IQSEC2: variants seen among roughly 807,000 people sequenced by gnomAD.
IQSEC2 encodes IQ motif and SEC7 domain-containing protein 2.
Under a neutral mutation model 74.6 loss-of-function variants are expected in IQSEC2, and 6 were observed. The observed-to-expected ratio is 0.08, with a 90% confidence interval of 0.04 to 0.16. The LOEUF is 0.16. IQSEC2 is among the 10% of genes least tolerant of loss of function. The probability of loss-of-function intolerance (pLI) is 1.00; values close to 1 mark genes in which losing one functional copy is unlikely to be tolerated. For missense variants in IQSEC2, 734 were observed against 1,306.2 expected, an observed-to-expected ratio of 0.56 and a Z score of 6.75; for synonymous variants, 494 against 544.5, an observed-to-expected ratio of 0.91 and a Z score of 1.29.
intron 10 of IQSEC2, among the ~76,000 whole-genome samples, chrX:53,239,867 C>T (rs950486910): frequency 8.9e-6 from 1 of 112,214 alleles, no homozygotes; most frequent in African/African-American, 3.2e-5. Flanking sequence ...ACACCTCAGG[C>T]GGTCTGCAAG....
chrX:53,234,312 ATGGGGGGAGG>A lies in IQSEC2; in HGVS notation c.4364_4373del (p.Thr1455MetfsTer37). The A allele has an allele frequency of 7.3e-6, 3 of 409,873 alleles. No homozygotes were observed. The highest frequency in any genetic ancestry group is 1.0e-5 in the Non-Finnish European group (3 of 297,378). The allele number at this position is 409,873 out of a possible 1,213,427, so 33.8% of individuals were successfully genotyped here. On this transcript the variant is annotated frameshift_variant, in exon 15 of 15. Coordinates refer to ENST00000642864, the MANE Select transcript of IQSEC2 (RefSeq NM_001111125.3). LOFTEE classifies it high-confidence loss of function. ...GGGGCCCAGAGGCGTGCAGCGGGCC[ATGGGGGGAGG>A]TGGGTGGAAGGGGTGAGTGCGGGGT...
chrX:53,276,836 G>T (rs1169157076), intron 2 of IQSEC2, among the ~76,000 whole-genome samples: 1 of 112,377 alleles, frequency 8.9e-6, no homozygotes, highest in Non-Finnish European at 1.9e-5. Context: ...ATGATTATAT[G>T]ATATTTTCTC....
intron 2 of IQSEC2, among the ~76,000 whole-genome samples, chrX:53,264,321 C>A (rs917546769): frequency 1.8e-5 from 2 of 110,777 alleles, no homozygotes; most frequent in African/African-American, 6.6e-5. Context: ...ATTTCTCTCA[C>A]GGCTGATCAA....
In IQSEC2 at chrX:53,280,740, G is replaced by A. The variant is rs940710087; in HGVS notation, c.737+11155C>T. Among the ~76,000 whole-genome samples, 26 of 111,888 alleles carry A rather than the reference G, an allele frequency of 2.3e-4. 1 individual carries two copies. The highest frequency in any genetic ancestry group is 7.8e-4 in the African/African-American group (24 of 30,833). On this transcript the variant is annotated intron_variant, in intron 2 of 14. Transcript: ENST00000642864. ...AAAGTCCGGAGAATGGCCAAGGGGA[G>A]GAGGAGGTACAGCAGGGCAGGGAGG...
chrX:53,256,493 C>A (rs2074470452), intron 2 of IQSEC2, among the ~76,000 whole-genome samples: 1 of 110,743 alleles, frequency 9.0e-6, no homozygotes, highest in Admixed American at 9.5e-5. Context: ...GCAGTGCTCG[C>A]TGTGATTTCC....
intron 2 of IQSEC2, among the ~76,000 whole-genome samples, chrX:53,277,670 G>GTTTAT (rs1391986634): frequency 2.7e-5 from 3 of 111,799 alleles, no homozygotes; most frequent in East Asian, 5.6e-4. Flanking sequence ...TATATACAAT[G>GTTTAT]TTTATTTTAT....
chrX:53,286,934 C>A (rs1368481588), intron 2 of IQSEC2, among the ~76,000 whole-genome samples: 1 of 33,779 alleles, frequency 3.0e-5, no homozygotes, highest in Admixed American at 6.3e-4. Flanking sequence ...AGCAAGTATC[C>A]GGCTCAAAAA....
At chrX:53,242,045 T>A in intron 9 of IQSEC2, 136 bp from the exon 10 acceptor site, 2 of 760,077 alleles carry the variant, frequency 2.6e-6, no homozygotes, top group Non-Finnish European at 3.9e-6. Flanking sequence ...TATCAGCAAC[T>A]AAGACCTAAA....
intron 5 of IQSEC2, 117 bp downstream of exon 5, chrX:53,250,162 T>C: frequency 1.2e-6 from 1 of 854,160 alleles, no homozygotes; most frequent in Non-Finnish European, 1.7e-6. Flanking sequence ...AGAAATACCA[T>C]TCCACAAAAT....
At chrX:53,227,926 T>C (rs1556857935), downstream of IQSEC2, 1 of 113,842 alleles carries the variant, frequency 8.8e-6, no homozygotes, top group Non-Finnish European at 1.8e-5. Context: ...TTTATTCGTT[T>C]ACAAATATTT....
intron 2 of IQSEC2, among the ~76,000 whole-genome samples, chrX:53,277,249 T>C (rs1300692982): frequency 9.0e-6 from 1 of 110,572 alleles, no homozygotes; most frequent in Admixed American, 9.6e-5. Context: ...TCTCACACCG[T>C]TGCCCTGGCT....
At chrX:53,240,601 G>A (rs1315028210) in intron 10 of IQSEC2, among the ~76,000 whole-genome samples, 1 of 111,978 alleles carries the variant, frequency 8.9e-6, no homozygotes, top group Non-Finnish European at 1.9e-5. Context: ...CAAGGCAACT[G>A]GCTGCCTTAG....
rs782238774 is a variant in IQSEC2 at position 53,300,049 on chromosome X, C to T, written c.708-8125G>A. ...TTGGGGGGGGAATTACAGTCATGAA[C>T]CACTGTGCCCGGACAGAAAAGACTT... is the stretch of plus-strand genomic sequence containing the variant. On this transcript the variant is annotated intron_variant, in intron 1 of 14. Transcript: ENST00000642864. Among the ~76,000 whole-genome samples the T allele has an allele frequency of 2.7e-5, 3 of 111,406 alleles. No individual in the cohort carries two copies. In the South Asian group the frequency reaches 1.1e-3, roughly 42 times the overall value.
Position 53,303,034 on chromosome X carries a change from C to G in IQSEC2, c.708-11110G>C, listed in dbSNP as rs781926194. Among the ~76,000 whole-genome samples the G allele has an allele frequency of 2.7e-5, 3 of 110,707 alleles. No individual in the cohort carries two copies. The East Asian group carries it at 8.6e-4, about 32-fold the overall frequency. ...CCTGGACAACACAGGGAGACCCTGT[C>G]CCTACAAACAACCAAAAAATTAGCC... On this transcript the variant is annotated intron_variant, in intron 1 of 14. Coordinates refer to ENST00000642864, the MANE Select transcript of IQSEC2 (RefSeq NM_001111125.3).
chrX:53,297,993 AGTGGCGAACACCT>A (rs1762725386), intron 1 of IQSEC2, among the ~76,000 whole-genome samples: 1 of 111,744 alleles, frequency 8.9e-6, no homozygotes, highest in Non-Finnish European at 1.9e-5. Flanking sequence ...AGCCGGACGC[AGTGGCGAACACCT>A]GTAATCCCAG....
chrX:53,294,490 A>T (rs1447825131), intron 1 of IQSEC2, among the ~76,000 whole-genome samples: 1 of 112,571 alleles, frequency 8.9e-6, no homozygotes, highest in Admixed American at 9.4e-5. Context: ...TTTGGGAGGC[A>T]GTATAGACTG....
rs994568186 is a variant in IQSEC2 at position 53,250,367 on chromosome X, C to T, written c.2209G>A (p.Glu737Lys). Residue 737 changes from glutamate to lysine, a missense_variant, in exon 5 of 15, where the codon GAG becomes AAG. Glu to Lys is a moderately conservative substitution (Grantham distance 56, BLOSUM62 1). Transcript: ENST00000642864. ...TGLCKQTYQR[E>K]TRHSWDSPAF... is the part of the protein sequence containing the mutation. ...GGCGAGTCCCAGCTATGCCTTGTCTCCCGCTGGTAAGTCTGCTTGCACAGG... is the reference window on the plus strand; with the variant it reads ...GGCGAGTCCCAGCTATGCCTTGTCTTCCGCTGGTAAGTCTGCTTGCACAGG... 8.3e-7 allele frequency: 1 copy of T among 1,210,278 alleles called. No homozygotes were observed. Among genetic ancestry groups the T allele is most frequent in the African/African-American group, 1.7e-5 (1 of 57,345 alleles).
chrX:53,277,210 C>T (rs1193438343), intron 2 of IQSEC2, among the ~76,000 whole-genome samples: 2 of 108,636 alleles, frequency 1.8e-5, no homozygotes, highest in South Asian at 3.9e-4. Context: ...AAACTTTGAC[C>T]GTCTTTTCTT....
intron 2 of IQSEC2, among the ~76,000 whole-genome samples, chrX:53,259,233 A>C (rs1268287399): frequency 1.9e-5 from 2 of 105,448 alleles, no homozygotes; most frequent in African/African-American, 6.9e-5. Flanking sequence ...AGCTGGGCAC[A>C]GTGGCTTATA....
Sources: gnomAD v4.1 joint callset for allele counts (sites outside exome capture counted in the v4.1 genomes callset) on GRCh38, gnomAD v4.1.1 for gene constraint, MANE v1.5 for transcripts, NCBI Gene and HGNC (gene_info 2026-07-23, HGNC 2026-07-21) for gene names.